SESTD1: variants seen among roughly 807,000 people sequenced by gnomAD.
SESTD1 encodes SEC14 domain and spectrin repeat-containing protein 1.
Under a neutral mutation model 101.7 loss-of-function variants are expected in SESTD1, and 43 were observed. The observed-to-expected ratio is 0.42, with a 90% CI of 0.33 to 0.55. The LOEUF (loss-of-function observed/expected upper bound fraction) is 0.55. Ranked by LOEUF, SESTD1 falls within the 20% of genes least tolerant of loss-of-function variation. The pLI is 0.07. For synonymous variants in SESTD1, 283 were observed against 286.8 expected, an observed-to-expected ratio of 0.99 and a Z score of 0.13; for missense variants, 647 against 815.1, an observed-to-expected ratio of 0.79 and a Z score of 2.51.
In SESTD1 at chr2:179,212,019, T is replaced by C. The variant is rs183598420; in HGVS notation, c.-25-20153A>G. Reference sequence around the variant, plus strand: ...AAAAACTATTGAAATAATTAAAAAATATCTTCCGTTCCAAGATGGCTGAAT... The same window carrying C: ...AAAAACTATTGAAATAATTAAAAAACATCTTCCGTTCCAAGATGGCTGAAT... On this transcript the variant is annotated intron_variant, in intron 1 of 17. Transcript: ENST00000428443. 8.9e-4 allele frequency among the ~76,000 whole-genome samples: 120 copies of C among 134,502 alleles called. 24 individuals carry two copies. Among genetic ancestry groups the C allele is most frequent in the Admixed American group, 4.5e-3 (63 of 13,868 alleles). The allele number at this position is 134,502 out of a possible 152,430, so 88.2% of individuals were successfully genotyped here.
In SESTD1 at chr2:179,201,953, TAATAAAG is replaced by T. The variant is rs1303083510; in HGVS notation, c.-25-10094_-25-10088del. ...ATAATAATAATAATAATAATAATAA[TAATAAAG>T]AAAGAGGAATGCTTAGGACAAGTCA... On this transcript the variant is annotated intron_variant, in intron 1 of 17. Transcript: ENST00000428443. Among the ~76,000 whole-genome samples, 13 of 125,520 alleles carry T rather than the reference TAATAAAG, an allele frequency of 1.0e-4. 1 individual carries two copies. Among genetic ancestry groups the T allele is most frequent in the Admixed American group, 1.0e-3 (13 of 12,748 alleles). 82.3% of individuals were successfully genotyped at this position (125,520 alleles called of 152,430 possible). A position where few individuals can be genotyped will look rare whatever the true frequency, so the allele number is the denominator to read the frequency against.
rs1301980874 is a variant in SESTD1, at chr2:179,210,320, A to C, written c.-25-18454T>G. 1.5e-5 allele frequency among the ~76,000 whole-genome samples: 2 copies of C among 134,986 alleles called. 1 individual carries two copies. Among genetic ancestry groups the C allele is most frequent in the Non-Finnish European group, 3.2e-5 (2 of 62,710 alleles). 88.6% of individuals were successfully genotyped at this position (134,986 alleles called of 152,430 possible). On this transcript the variant is annotated intron_variant, in intron 1 of 17. Transcript: ENST00000428443. ...CCAAGATAAACAGGGAATCCTCCCT[A>C]AATCATTCTGTGAAGCCAGTATTCC...
intron 1 of SESTD1, among the ~76,000 whole-genome samples, chr2:179,234,681 G>A (rs1229744425): frequency 1.3e-5 from 2 of 152,142 alleles, no homozygotes; most frequent in Non-Finnish European, 2.9e-5. Flanking sequence ...CCTGACAAGA[G>A]ATTCTGAAGA....
intron 2 of SESTD1, among the ~76,000 whole-genome samples, chr2:179,190,697 CAAAT>C (rs2046307142): frequency 2.6e-5 from 4 of 152,042 alleles, no homozygotes; most frequent in Admixed American, 2.6e-4. Context: ...AAGGAAAAAA[CAAAT>C]AACCCCATTA....
rs2044361717 is a variant in SESTD1, at chr2:179,105,489, GC to G, written c.*4409del. 1 of 152,018 alleles carries G rather than the reference GC, an allele frequency of 6.6e-6. No homozygotes were observed. The highest frequency in any genetic ancestry group is 1.5e-5 in the Non-Finnish European group (1 of 68,010). The allele number at this position is 152,018 out of a possible 1,614,324, so 9.4% of individuals were successfully genotyped here. On this transcript the variant is annotated 3_prime_UTR_variant, in exon 18 of 18. Coordinates refer to ENST00000428443, the MANE Select transcript of SESTD1 (RefSeq NM_178123.5). ...ATCTTCAGTGTGTAATTCTGAAGATGCATTCTGATACACTAGTGAACTGGGG... is the reference window on the plus strand; with the variant it reads ...ATCTTCAGTGTGTAATTCTGAAGATGATTCTGATACACTAGTGAACTGGGG...
chr2:179,177,146 A>G (rs960928281), intron 3 of SESTD1, among the ~76,000 whole-genome samples: 7 of 152,152 alleles, frequency 4.6e-5, no homozygotes, highest in African/African-American at 1.7e-4. Context: ...CCAGCAAAAT[A>G]TTATCTTCAG....
intron 2 of SESTD1, among the ~76,000 whole-genome samples, chr2:179,183,712 T>C (rs1448849759): frequency 1.3e-5 from 2 of 151,928 alleles, no homozygotes; most frequent in African/African-American, 4.8e-5. Context: ...TTGGCGTGTC[T>C]GTAGTCTCAT....
rs926796516 is a variant in SESTD1 at position 179,105,892 on chromosome 2, C to T, written c.*4007G>A. 29 of 152,142 alleles carry T rather than the reference C, an allele frequency of 1.9e-4. 1 individual carries two copies. Among genetic ancestry groups the T allele is most frequent in the Admixed American group, 1.3e-4 (2 of 15,266 alleles). The allele number at this position is 152,142 out of a possible 1,614,324, so 9.4% of individuals were successfully genotyped here. A position where few individuals can be genotyped will look rare whatever the true frequency, so the allele number is the denominator to read the frequency against. ...TCTTGTTTTAGCTGGTATGTTCTTT[C>T]CTCTACAAGTACTGCCATTATTTAT... On this transcript the variant is annotated 3_prime_UTR_variant, in exon 18 of 18. Transcript: ENST00000428443.
At chr2:179,131,363 T>G (rs142960279) in intron 10 of SESTD1, among the ~76,000 whole-genome samples, 21 of 152,318 alleles carry the variant, frequency 1.4e-4, no homozygotes, top group African/African-American at 5.0e-4. Flanking sequence ...TAATCTTGTT[T>G]AGTTAAAAAT....
intron 5 of SESTD1, among the ~76,000 whole-genome samples, chr2:179,153,645 A>C (rs531205864): frequency 6.6e-6 from 1 of 152,176 alleles, no homozygotes; most frequent in South Asian, 2.1e-4. Context: ...ATAAAAAAGA[A>C]TCAGGTTTTG....
rs185587932 is a variant in SESTD1 at position 179,113,503 on chromosome 2, C to A, written c.1840-658G>T. Among the ~76,000 whole-genome samples, 102 of 152,248 alleles carry A rather than the reference C, an allele frequency of 6.7e-4. No individual in the cohort carries two copies. In the East Asian group the frequency reaches 0.014, roughly 21 times the overall value. The stretch of plus-strand genomic sequence containing the variant: ...AACCATTACCATTTAAATTAAACCA[C>A]AAGAACTGCAAAATTTGAGAGAGAG... On this transcript the variant is annotated intron_variant, in intron 16 of 17. Transcript: ENST00000428443.
chr2:179,262,224 A>C (rs2047492713), intron 1 of SESTD1, among the ~76,000 whole-genome samples: 1 of 152,180 alleles, frequency 6.6e-6, no homozygotes, highest in Admixed American at 6.5e-5. Context: ...ATAGTAACAA[A>C]AGCTACCAGG....
At position 179,205,020 on chromosome 2, in the gene SESTD1, A is replaced by AT. The variant is rs370433878; in HGVS notation, c.-25-13155dup. On this transcript the variant is annotated intron_variant, in intron 1 of 17. Transcript: ENST00000428443. ...TCTCAGCTGCCTTTAATTCCTTCCT[A>AT]TTTTTTTGAACTTATTTCTCCATCC... 1.6e-3 allele frequency among the ~76,000 whole-genome samples: 213 copies of AT among 134,474 alleles called. 41 individuals are homozygous for AT. Among genetic ancestry groups the AT allele is most frequent in the African/African-American group, 5.8e-3 (198 of 34,104 alleles). The allele number at this position is 134,474 out of a possible 152,430, so 88.2% of individuals were successfully genotyped here.
At chr2:179,246,623 C>T (rs1308432322) in intron 1 of SESTD1, among the ~76,000 whole-genome samples, 3 of 152,120 alleles carry the variant, frequency 2.0e-5, no homozygotes, top group Non-Finnish European at 4.4e-5. Flanking sequence ...CAGTCTACCA[C>T]AAAACAGGAG....
intron 10 of SESTD1, among the ~76,000 whole-genome samples, chr2:179,126,424 T>A (rs1369389975): frequency 6.6e-6 from 1 of 152,178 alleles, no homozygotes; most frequent in Non-Finnish European, 1.5e-5. Flanking sequence ...CTTTTAGCCT[T>A]CTTTGCTGGC....
At chr2:179,156,969 T>C (rs565499933) in intron 5 of SESTD1, among the ~76,000 whole-genome samples, 1 of 152,214 alleles carries the variant, frequency 6.6e-6, no homozygotes, top group Non-Finnish European at 1.5e-5. Flanking sequence ...TAGATTTAAG[T>C]CCTTAATCCA....
intron 1 of SESTD1, among the ~76,000 whole-genome samples, chr2:179,221,748 T>A (rs1559149511): frequency 6.6e-6 from 1 of 150,930 alleles, no homozygotes; most frequent in Admixed American, 6.6e-5. Context: ...TGTGACCCCA[T>A]CTCCACAAAA....
chr2:179,254,230 G>A (rs997064780), intron 1 of SESTD1, among the ~76,000 whole-genome samples: 1 of 152,120 alleles, frequency 6.6e-6, no homozygotes, highest in Non-Finnish European at 1.5e-5. Flanking sequence ...TGGAAATAAT[G>A]TAGAGGATTA....
intron 1 of SESTD1, among the ~76,000 whole-genome samples, chr2:179,206,809 C>T (rs2046596650): frequency 7.5e-6 from 1 of 133,956 alleles, no homozygotes; most frequent in Admixed American, 7.3e-5. Flanking sequence ...TACCTGAGGG[C>T]AAGACCCTAG....
Sources: allele counts gnomAD v4.1 joint callset (sites outside exome capture counted in the v4.1 genomes callset), GRCh38; gene constraint gnomAD v4.1.1; transcripts MANE v1.5; gene names NCBI Gene and HGNC (gene_info 2026-07-23, HGNC 2026-07-21).